The following VDAC1 variants were observed in gnomAD, a reference collection of about 807,000 sequenced individuals.
The protein encoded by VDAC1 is non-selective voltage-gated ion channel VDAC1.
In VDAC1, 10 loss-of-function variants were observed where a neutral mutation model predicts 34.7. That is an observed-to-expected ratio of 0.29 (90% CI 0.18 to 0.49). VDAC1 has a LOEUF of 0.49. VDAC1 is among the 20% of genes least tolerant of loss of function. The pLI, the probability that VDAC1 is intolerant of heterozygous loss-of-function variation, is 0.99. For synonymous variants in VDAC1, 130 were observed against 136.0 expected, an observed-to-expected ratio of 0.96 and a Z score of 0.30; for missense variants, 230 against 347.9, an observed-to-expected ratio of 0.66 and a Z score of 2.69.
At chr5:134,064,390 C>T in the VDAC1 span, among the ~76,000 whole-genome samples, 1 of 152,082 alleles carries the variant, frequency 6.6e-6, no homozygotes, top group African/African-American at 2.4e-5. Context: ...ACTGCAACCT[C>T]CGCCTCCTGG....
At chr5:134,033,388 C>G in the VDAC1 span, among the ~76,000 whole-genome samples, 1 of 151,502 alleles carries the variant, frequency 6.6e-6, no homozygotes, top group Non-Finnish European at 1.5e-5. Flanking sequence ...GATCTCCTAA[C>G]CTCGTGATCC....
chr5:134,080,871 T>A, the VDAC1 span, among the ~76,000 whole-genome samples: 6 of 152,074 alleles, frequency 3.9e-5, no homozygotes, highest in Non-Finnish European at 7.4e-5. Flanking sequence ...TACATAAATT[T>A]TTTATTTTAT....
chr5:134,103,595 A>C, the VDAC1 span, among the ~76,000 whole-genome samples: 1 of 152,190 alleles, frequency 6.6e-6, no homozygotes, highest in South Asian at 2.1e-4. Context: ...GCACAAAGGA[A>C]AGGCCCAGAC....
chr5:134,058,604 C>T, the VDAC1 span, among the ~76,000 whole-genome samples: 1 of 152,180 alleles, frequency 6.6e-6, no homozygotes, highest in Non-Finnish European at 1.5e-5. Context: ...CGTGAGCCAC[C>T]GCACCCGGCC....
chr5:133,985,388 G>A (rs1022263157), intron 5 of VDAC1, among the ~76,000 whole-genome samples: 3 of 152,306 alleles, frequency 2.0e-5, no homozygotes, highest in African/African-American at 4.8e-5. Flanking sequence ...CTGGTCAGGC[G>A]TAGTGGCTCA....
At chr5:133,978,784 G>A (rs979322663) in intron 6 of VDAC1, among the ~76,000 whole-genome samples, 4 of 152,108 alleles carry the variant, frequency 2.6e-5, no homozygotes, top group Admixed American at 6.5e-5. Context: ...AGGCCAAGGC[G>A]GGCAGATCGC....
At chr5:134,033,182 G>T in the VDAC1 span, among the ~76,000 whole-genome samples, 1 of 144,462 alleles carries the variant, frequency 6.9e-6, no homozygotes, top group Non-Finnish European at 1.5e-5. Flanking sequence ...TTTTGAGACG[G>T]CGTCTGGCTC....
chr5:134,041,898 G>A, the VDAC1 span, among the ~76,000 whole-genome samples: 1 of 152,182 alleles, frequency 6.6e-6, no homozygotes, highest in Non-Finnish European at 1.5e-5. Context: ...GGCCACCCTC[G>A]AAGCTCCTGA....
chr5:134,088,508 G>A, the VDAC1 span, among the ~76,000 whole-genome samples: 1 of 152,246 alleles, frequency 6.6e-6, no homozygotes, highest in African/African-American at 2.4e-5. Flanking sequence ...AGGGGTACCA[G>A]TGGCCAAAAA....
At chr5:134,098,169 C>CTTATTA in the VDAC1 span, among the ~76,000 whole-genome samples, 5,425 of 146,804 alleles carry the variant, frequency 0.037, 154 homozygotes, top group African/African-American at 0.079. Context: ...CCATGCCCTG[C>CTTATTA]TTATTATTAT....
At chr5:133,980,649 A>C (rs1297243106) in intron 6 of VDAC1, 80 bp downstream of exon 6, 9 of 984,880 alleles carry the variant, frequency 9.1e-6, no homozygotes, top group Non-Finnish European at 1.0e-5. Flanking sequence ...AAAAAAAAAA[A>C]AAAACAGTGA....
the VDAC1 span, among the ~76,000 whole-genome samples, chr5:134,033,799 T>C: frequency 6.6e-5 from 10 of 151,814 alleles, no homozygotes; most frequent in Non-Finnish European, 1.0e-4. Flanking sequence ...GAGACCATCC[T>C]GGCTAACACG....
the VDAC1 span, among the ~76,000 whole-genome samples, chr5:134,097,446 C>A: frequency 2.0e-5 from 3 of 152,198 alleles, no homozygotes; most frequent in African/African-American, 7.2e-5. Context: ...AAAATTAGAT[C>A]ATCAAGAACT....
chr5:134,047,010 A>C, the VDAC1 span, among the ~76,000 whole-genome samples: 10 of 152,292 alleles, frequency 6.6e-5, no homozygotes, highest in African/African-American at 9.6e-5. Flanking sequence ...ACCCTAATTC[A>C]GGTAGAAGTG....
At chr5:133,972,910 A>G in intron 8 of VDAC1, 48 bp from the exon 9 acceptor site, 1 of 1,480,748 alleles carries the variant, frequency 6.8e-7, no homozygotes, top group Non-Finnish European at 9.4e-7. Context: ...AATGGAGGAA[A>G]GAAATGACAA....
intron 6 of VDAC1, among the ~76,000 whole-genome samples, chr5:133,976,534 G>A (rs1456926093): frequency 2.0e-5 from 3 of 152,026 alleles, no homozygotes; most frequent in South Asian, 4.2e-4. Flanking sequence ...CAGGGGAGAG[G>A]GGGTACGTGG....
chr5:134,063,609 C>T, the VDAC1 span, among the ~76,000 whole-genome samples: 15 of 152,282 alleles, frequency 9.9e-5, no homozygotes, highest in African/African-American at 2.4e-4. Flanking sequence ...AATAACCTGA[C>T]GGAGACATGT....
chr5:134,098,928 G>A, the VDAC1 span, among the ~76,000 whole-genome samples: 5 of 152,346 alleles, frequency 3.3e-5, no homozygotes, highest in South Asian at 2.1e-4. Context: ...TTTGAAGGCC[G>A]AACCTGTTCA....
intron 6 of VDAC1, among the ~76,000 whole-genome samples, chr5:133,978,988 AGAGT>A (rs1199242850): frequency 6.6e-6 from 1 of 152,148 alleles, no homozygotes; most frequent in Non-Finnish European, 1.5e-5. Flanking sequence ...CCTGGGTGAG[AGAGT>A]GAGACCCTGT....
Sources: gnomAD v4.1 joint callset for allele counts (sites outside exome capture counted in the v4.1 genomes callset) on GRCh38, gnomAD v4.1.1 for gene constraint, MANE v1.5 for transcripts, NCBI Gene and HGNC (gene_info 2026-07-23, HGNC 2026-07-21) for gene names.